Variants in NUBPL observed in about 807,000 individuals in gnomAD.
The protein encoded by NUBPL is NUBP iron-sulfur cluster assembly factor, mitochondrial.
A neutral mutation model predicts 45.7 loss-of-function variants in NUBPL; 31 were observed. That is an observed-to-expected ratio of 0.68 (90% CI 0.51 to 0.92). The LOEUF (loss-of-function observed/expected upper bound fraction) is 0.92. NUBPL is among the 40% of genes least tolerant of loss of function. The pLI is 0.00. For synonymous variants in NUBPL, 144 were observed against 140.9 expected, an observed-to-expected ratio of 1.02 and a Z score of -0.15; for missense variants, 401 against 398.7, an observed-to-expected ratio of 1.01 and a Z score of -0.05.
At chr14:31,859,090 C>T (rs755748647) in intron 10 of NUBPL, 28 bp from the exon 11 acceptor site, 3 of 1,599,980 alleles carry the variant, frequency 1.9e-6, no homozygotes, top group Non-Finnish European at 2.6e-6. Context: ...AAGAGAAATA[C>T]AGAACAAATA....
intron 6 of NUBPL, among the ~76,000 whole-genome samples, chr14:31,693,064 A>G (rs1343180298): frequency 1.3e-5 from 2 of 152,212 alleles, no homozygotes; most frequent in Non-Finnish European, 2.9e-5. Context: ...TAAAGTCAGT[A>G]TAAGGAAAAC....
intron 6 of NUBPL, among the ~76,000 whole-genome samples, chr14:31,746,851 T>C (rs1280251199): frequency 6.6e-6 from 1 of 151,784 alleles, no homozygotes; most frequent in Non-Finnish European, 1.5e-5. Flanking sequence ...GGGTGGATTG[T>C]TTGAGCTCAG....
chr14:31,788,819 C>G (rs2039329349), intron 7 of NUBPL, among the ~76,000 whole-genome samples: 1 of 152,146 alleles, frequency 6.6e-6, no homozygotes, highest in African/African-American at 2.4e-5. Context: ...TTCTAGTCCT[C>G]CTTTTCTCAG....
In NUBPL at chr14:31,773,485, G is replaced by C. The variant is rs187509621; in HGVS notation, c.514-14295G>C. Among the ~76,000 whole-genome samples, 10 of 152,284 alleles carry C rather than the reference G, an allele frequency of 6.6e-5. No homozygotes were observed. In the East Asian group the frequency reaches 1.9e-3, roughly 29 times the overall value. On this transcript the variant is annotated intron_variant, in intron 6 of 10. Coordinates refer to ENST00000281081, the MANE Select transcript of NUBPL (RefSeq NM_025152.3). The stretch of plus-strand genomic sequence containing the variant: ...CGTTTAGGGAGCATAAACTGAAGTT[G>C]AGAAGATAGTTACATATAAAAAAAT...
At chr14:31,739,331 C>T (rs188172153) in intron 6 of NUBPL, among the ~76,000 whole-genome samples, 30 of 150,564 alleles carry the variant, frequency 2.0e-4, no homozygotes, top group Admixed American at 3.3e-4. Flanking sequence ...ATGATCCGTC[C>T]GCCTTGGCCT....
chr14:31,740,677 G>A (rs1258171382), intron 6 of NUBPL, among the ~76,000 whole-genome samples: 4 of 152,008 alleles, frequency 2.6e-5, no homozygotes, highest in Non-Finnish European at 2.9e-5. Context: ...TTATCAATAC[G>A]TTCTCTCATT....
chr14:31,593,265 G>A (rs2034190980), intron 3 of NUBPL, among the ~76,000 whole-genome samples: 2 of 152,262 alleles, frequency 1.3e-5, no homozygotes, highest in South Asian at 4.2e-4. Context: ...TGTAATCCCA[G>A]CATTTTGGGA....
intron 9 of NUBPL, 145 bp from the exon 10 acceptor site, chr14:31,849,974 T>A (rs1168451964): frequency 2.9e-6 from 2 of 679,056 alleles, no homozygotes; most frequent in Non-Finnish European, 5.3e-6. Flanking sequence ...TTGAAATTTC[T>A]TTTTCAAAGA....
chr14:31,785,361 A>G (rs2039265300), intron 6 of NUBPL, among the ~76,000 whole-genome samples: 1 of 152,212 alleles, frequency 6.6e-6, no homozygotes, highest in South Asian at 2.1e-4. Context: ...CAAGAGGTGA[A>G]CAATGGGTTA....
At chr14:31,603,319 AAAAAG>A (rs200833016) in intron 4 of NUBPL, among the ~76,000 whole-genome samples, 2 of 149,654 alleles carry the variant, frequency 1.3e-5, no homozygotes, top group South Asian at 2.1e-4. Flanking sequence ...AAAAAAAAAG[AAAAAG>A]AAAAGAAAAG....
At chr14:31,610,191 A>G (rs992923697) in intron 4 of NUBPL, among the ~76,000 whole-genome samples, 2 of 151,974 alleles carry the variant, frequency 1.3e-5, no homozygotes, top group Admixed American at 6.6e-5. Flanking sequence ...AGGAAAGAAG[A>G]TTAAAAATAA....
chr14:31,679,577 A>G (rs2139828317), intron 6 of NUBPL, among the ~76,000 whole-genome samples: 1 of 152,344 alleles, frequency 6.6e-6, no homozygotes, highest in African/African-American at 2.4e-5. Flanking sequence ...CCGTATGTGT[A>G]TCATCTATTC....
intron 7 of NUBPL, among the ~76,000 whole-genome samples, chr14:31,813,529 A>G (rs191358997): frequency 5.3e-5 from 8 of 150,798 alleles, no homozygotes; most frequent in Non-Finnish European, 1.2e-4. Flanking sequence ...ACACACACAT[A>G]CATCCATACA....
At chr14:31,649,247 G>T (rs956190409) in intron 4 of NUBPL, among the ~76,000 whole-genome samples, 1 of 152,138 alleles carries the variant, frequency 6.6e-6, no homozygotes, top group East Asian at 1.9e-4. Flanking sequence ...TATTAGTTTG[G>T]CTTATTAAAT....
chr14:31,589,114 A>T (rs1256339238), intron 3 of NUBPL, among the ~76,000 whole-genome samples: 1 of 152,100 alleles, frequency 6.6e-6, no homozygotes, highest in African/African-American at 2.4e-5. Context: ...GTAACAGATT[A>T]AAAAAAGTCA....
intron 6 of NUBPL, among the ~76,000 whole-genome samples, chr14:31,709,922 C>G (rs2037533472): frequency 6.6e-6 from 1 of 152,130 alleles, no homozygotes; most frequent in Non-Finnish European, 1.5e-5. Context: ...GCTGATAGGT[C>G]CTCCTGTGGG....
intron 10 of NUBPL, among the ~76,000 whole-genome samples, chr14:31,855,031 A>G (rs2040594731): frequency 6.6e-6 from 1 of 152,222 alleles, no homozygotes; most frequent in South Asian, 2.1e-4. Flanking sequence ...GGTTAAATGT[A>G]GCCAATTTGA....
intron 10 of NUBPL, among the ~76,000 whole-genome samples, chr14:31,851,569 C>A (rs2040539137): frequency 6.6e-6 from 1 of 152,106 alleles, no homozygotes; most frequent in South Asian, 2.1e-4. Context: ...CATTATTTTT[C>A]TCTTCTCTGT....
intron 3 of NUBPL, among the ~76,000 whole-genome samples, chr14:31,568,250 T>A (rs984584931): frequency 6.6e-6 from 1 of 152,122 alleles, no homozygotes; most frequent in Non-Finnish European, 1.5e-5. Context: ...TGGTTATCAT[T>A]GCAGCCAAAG....
Sources: gnomAD v4.1 joint callset for allele counts (sites outside exome capture counted in the v4.1 genomes callset) on GRCh38, gnomAD v4.1.1 for gene constraint, MANE v1.5 for transcripts, NCBI Gene and HGNC (gene_info 2026-07-23, HGNC 2026-07-21) for gene names.